Variants in ITPR1 observed in about 807,000 individuals in gnomAD.
ITPR1 encodes inositol 1,4,5-trisphosphate receptor type 1, also known as inositol 1,4,5-trisphosphate-gated calcium channel ITPR1.
A neutral mutation model predicts 318.4 loss-of-function variants in ITPR1; 96 were observed. The ratio of observed to expected loss-of-function variants is 0.30; its 90% CI spans 0.26 to 0.36. The LOEUF (loss-of-function observed/expected upper bound fraction) is 0.36. Ranked by LOEUF, ITPR1 falls within the 10% of genes least tolerant of loss-of-function variation. The pLI, the probability that ITPR1 is intolerant of heterozygous loss-of-function variation, is 1.00. For synonymous variants in ITPR1, 1,312 were observed against 1,289.9 expected (o/e 1.02, Z -0.37); for missense variants, 2,440 against 3,460.2 (o/e 0.71, Z 7.40).
At chr3:4,681,704 A>G (rs1393321418) in intron 26 of ITPR1, among the ~76,000 whole-genome samples, 2 of 151,844 alleles carry the variant, frequency 1.3e-5, no homozygotes, top group Non-Finnish European at 1.5e-5. Flanking sequence ...CAAAATACCT[A>G]CATTACAAGA....
At chr3:4,695,534 A>G (rs749695715) in intron 33 of ITPR1, among the ~76,000 whole-genome samples, 9 of 151,994 alleles carry the variant, frequency 5.9e-5, no homozygotes, top group Non-Finnish European at 4.4e-5. Context: ...ACCTCCCCCC[A>G]TTCCCCTTTC....
Position 4,813,898 on chromosome 3 carries a change from GA to G in ITPR1, c.7562-522del, listed in dbSNP as rs2049103444. Among the ~76,000 whole-genome samples, 5 of 152,224 alleles carry G rather than the reference GA, an allele frequency of 3.3e-5. No homozygotes were observed. In the South Asian group the frequency reaches 8.3e-4, roughly 25 times the overall value. ...TTTAGCAAGACCCTCTGCAGCTGGA[GA>G]AAGGAATGAGGCACACAGCAAGGCA... On this transcript the variant is annotated intron_variant, in intron 57 of 61. Coordinates refer to ENST00000649015, the MANE Select transcript of ITPR1 (RefSeq NM_001378452.1).
At chr3:4,681,213 G>T in intron 25 of ITPR1, 151 bp from the exon 26 acceptor site, 1 of 628,548 alleles carries the variant, frequency 1.6e-6, no homozygotes, top group Non-Finnish European at 2.9e-6. Flanking sequence ...ATGTCATCTG[G>T]GTTAGTCACT....
At chr3:4,602,080 A>G (rs896625038) in intron 4 of ITPR1, among the ~76,000 whole-genome samples, 35 of 152,252 alleles carry the variant, frequency 2.3e-4, no homozygotes, top group African/African-American at 8.4e-4. Flanking sequence ...ACTCTCACAC[A>G]TTGCTGGCAG....
chr3:4,685,359 G>C (rs550024753), intron 30 of ITPR1, among the ~76,000 whole-genome samples, 153 bp downstream of exon 30: 70 of 152,354 alleles, frequency 4.6e-4, no homozygotes, highest in African/African-American at 1.7e-3. Flanking sequence ...ATATGAAACA[G>C]AGCATCTGAA....
chr3:4,808,523 A>G (rs1440685677), intron 55 of ITPR1, among the ~76,000 whole-genome samples: 1 of 152,208 alleles, frequency 6.6e-6, no homozygotes, highest in Non-Finnish European at 1.5e-5. Context: ...AGGAAACGCA[A>G]TAGGATCAAA....
chr3:4,520,881 C>A, intron 3 of ITPR1, 143 bp from the exon 4 acceptor site: 2 of 681,032 alleles, frequency 2.9e-6, no homozygotes, highest in Admixed American at 2.2e-5. Flanking sequence ...GCATAGGAAG[C>A]CTCTAGTGTA....
intron 44 of ITPR1, among the ~76,000 whole-genome samples, chr3:4,756,405 T>C (rs1215573924): frequency 6.6e-6 from 1 of 152,206 alleles, no homozygotes; most frequent in Non-Finnish European, 1.5e-5. Context: ...CTGGGGTTTG[T>C]TGTACAGATT....
At chr3:4,738,876 G>C (rs2043487600) in intron 44 of ITPR1, among the ~76,000 whole-genome samples, 1 of 152,164 alleles carries the variant, frequency 6.6e-6, no homozygotes, top group Non-Finnish European at 1.5e-5. Context: ...GTGGGGGCCT[G>C]TGGATCCATG....
intron 44 of ITPR1, among the ~76,000 whole-genome samples, chr3:4,746,395 C>T (rs1475550599): frequency 6.6e-6 from 1 of 152,214 alleles, no homozygotes; most frequent in Admixed American, 6.5e-5. Context: ...TGTCCTGCAG[C>T]TGCAACTCAT....
intron 43 of ITPR1, among the ~76,000 whole-genome samples, chr3:4,733,602 C>T (rs985273064): frequency 6.6e-5 from 10 of 152,174 alleles, no homozygotes; most frequent in African/African-American, 2.4e-4. Flanking sequence ...ATTTATTATA[C>T]ATTTACTGAA....
chr3:4,801,590 C>A (rs2048233938), intron 54 of ITPR1, among the ~76,000 whole-genome samples: 1 of 151,976 alleles, frequency 6.6e-6, no homozygotes, highest in Non-Finnish European at 1.5e-5. Flanking sequence ...ATGGCAGAAC[C>A]CTATCTCTAC....
chr3:4,758,671 C>T (rs1194837362), intron 44 of ITPR1, among the ~76,000 whole-genome samples: 2 of 152,196 alleles, frequency 1.3e-5, no homozygotes, highest in Non-Finnish European at 2.9e-5. Flanking sequence ...TGACCTCTTG[C>T]ACCTAAAGAA....
chr3:4,599,744 T>A (rs866429926), intron 4 of ITPR1, among the ~76,000 whole-genome samples: 3 of 152,224 alleles, frequency 2.0e-5, no homozygotes. Context: ...AGCTGAGTTC[T>A]GCAGTGTGTT....
chr3:4,584,675 G>C (rs970587514), intron 4 of ITPR1, among the ~76,000 whole-genome samples: 2 of 152,008 alleles, frequency 1.3e-5, no homozygotes, highest in Non-Finnish European at 2.9e-5. Context: ...GAGAATTAGT[G>C]AAGCTCCGGA....
At chr3:4,717,096 G>A (rs1056859753) in intron 39 of ITPR1, among the ~76,000 whole-genome samples, 5 of 152,154 alleles carry the variant, frequency 3.3e-5, no homozygotes, top group African/African-American at 7.2e-5. Flanking sequence ...GCAAGCACAC[G>A]GCTGTCTGCA....
intron 59 of ITPR1, chr3:4,817,393 G>C (rs1207948426): frequency 6.6e-6 from 1 of 152,210 alleles, no homozygotes; most frequent in Non-Finnish European, 1.5e-5. Context: ...GCACACATCT[G>C]TGTATATATG....
At position 4,733,088 on chromosome 3, in the gene ITPR1, G is replaced by C; in HGVS notation, c.5221G>C (p.Gly1741Arg). 1 of 1,612,542 alleles carries C rather than the reference G, an allele frequency of 6.2e-7. No homozygotes were observed. Among genetic ancestry groups the C allele is most frequent in the Non-Finnish European group, 8.5e-7 (1 of 1,179,284 alleles). Reference protein sequence around the residue: ...PLRQLEDHKRGEALRQVLVNR... With the variant: ...PLRQLEDHKRREALRQVLVNR... ...ATTTTATTATCCTGTTTGAATTAAG[G>C]GTGAGGCGCTCAGGCAAGTTCTGGT... Residue 1741 changes from glycine (G) to arginine (R), a missense_variant and splice_region_variant, in exon 43 of 62, where the codon GGT becomes CGT. By Grantham distance (125) the Gly-to-Arg change is moderately radical. Coordinates refer to ENST00000649015, the MANE Select transcript of ITPR1 (RefSeq NM_001378452.1).
chr3:4,746,747 A>AATTCACTG (rs2044137536), intron 44 of ITPR1, among the ~76,000 whole-genome samples: 1 of 152,198 alleles, frequency 6.6e-6, no homozygotes, highest in Non-Finnish European at 1.5e-5. Context: ...CTATTCTGGG[A>AATTCACTG]ATTCACTGAG....
Sources: gnomAD v4.1 joint callset for allele counts (sites outside exome capture counted in the v4.1 genomes callset) on GRCh38, gnomAD v4.1.1 for gene constraint, MANE v1.5 for transcripts, NCBI Gene and HGNC (gene_info 2026-07-23, HGNC 2026-07-21) for gene names.